Variants in PCCA observed in about 807,000 individuals in gnomAD.
The protein encoded by PCCA is propionyl-CoA carboxylase alpha chain, mitochondrial.
Under a neutral mutation model 101.3 loss-of-function variants are expected in PCCA, and 74 were observed. That is an observed-to-expected ratio of 0.73 (90% CI 0.61 to 0.89). PCCA has a LOEUF of 0.89. Among genes scored for constraint, PCCA ranks in the 40% least tolerant of loss-of-function variants. The pLI is 0.00. For synonymous variants in PCCA, 294 were observed against 313.6 expected, an observed-to-expected ratio of 0.94 and a Z score of 0.66; for missense variants, 891 against 907.0, an observed-to-expected ratio of 0.98 and a Z score of 0.23.
At chr13:100,456,227 T>C (rs755590884) in intron 21 of PCCA, among the ~76,000 whole-genome samples, 3 of 152,208 alleles carry the variant, frequency 2.0e-5, no homozygotes, top group Non-Finnish European at 4.4e-5. Context: ...AAGTACCTCT[T>C]ATAGCTTTTT....
chr13:100,150,869 G>A, intron 4 of PCCA: 5 of 1,569,828 alleles, frequency 3.2e-6, no homozygotes, highest in Non-Finnish European at 4.4e-6. Flanking sequence ...TGCACCCTTA[G>A]GAACTGGGCG....
intron 20 of PCCA, among the ~76,000 whole-genome samples, chr13:100,434,012 G>A (rs1276284435): frequency 1.3e-5 from 2 of 152,220 alleles, no homozygotes; most frequent in African/African-American, 2.4e-5. Flanking sequence ...GTAAGTGAAT[G>A]CTAGTAGGCT....
intron 16 of PCCA, among the ~76,000 whole-genome samples, chr13:100,328,371 T>TATA (rs58866207): frequency 0.2 from 28,915 of 141,502 alleles, 3,342 homozygotes; most frequent in East Asian, 0.47. Flanking sequence ...TCAAAAAATA[T>TATA]ATAATAATAA....
chr13:100,247,107 C>T lies in PCCA; in HGVS notation c.638-10488C>T, dbSNP rs180916058. On this transcript the variant is annotated intron_variant, in intron 8 of 23. Transcript: ENST00000376285. ...TAGTTTAGTAGAGATGGGGTTTCAC[C>T]ATGTTGGCCAGGCTGGTCTCGAACT... Among the ~76,000 whole-genome samples, 417 of 151,946 alleles carry T rather than the reference C, an allele frequency of 2.7e-3. 5 individuals are homozygous for T. The highest frequency in any genetic ancestry group is 2.4e-3 in the Non-Finnish European group (166 of 67,968).
intron 7 of PCCA, among the ~76,000 whole-genome samples, chr13:100,210,970 C>T (rs1185811695): frequency 6.6e-6 from 1 of 152,170 alleles, no homozygotes; most frequent in Admixed American, 6.5e-5. Flanking sequence ...AAGCCAGTTC[C>T]TCCTCCTACG....
intron 20 of PCCA, among the ~76,000 whole-genome samples, chr13:100,428,327 C>G (rs1293866161): frequency 7.2e-6 from 1 of 138,266 alleles, no homozygotes; most frequent in Non-Finnish European, 1.6e-5. Context: ...CTCCCCGACC[C>G]CCCCTACCCC....
At chr13:100,414,496 G>C (rs1332753443) in intron 19 of PCCA, among the ~76,000 whole-genome samples, 1 of 152,174 alleles carries the variant, frequency 6.6e-6, no homozygotes, top group East Asian at 1.9e-4. Context: ...TATTATAAGA[G>C]CATTAAATTG....
chr13:100,497,002 T>C (rs542937895), intron 21 of PCCA, among the ~76,000 whole-genome samples: 2 of 152,300 alleles, frequency 1.3e-5, no homozygotes, highest in African/African-American at 4.8e-5. Context: ...GCAGTACAAG[T>C]GCACTTGTTC....
chr13:100,452,630 C>T (rs942817212), intron 21 of PCCA, among the ~76,000 whole-genome samples: 6 of 148,694 alleles, frequency 4.0e-5, no homozygotes, highest in Admixed American at 6.6e-5. Context: ...CATCTTATTC[C>T]CCCTCGCCCA....
chr13:100,382,042 T>C (rs2076258057), intron 19 of PCCA, among the ~76,000 whole-genome samples: 1 of 152,236 alleles, frequency 6.6e-6, no homozygotes, highest in South Asian at 2.1e-4. Context: ...ACAGCTCAGT[T>C]GGCCTGCTGC....
intron 21 of PCCA, among the ~76,000 whole-genome samples, chr13:100,499,942 T>G (rs1428124665): frequency 6.6e-6 from 1 of 152,230 alleles, no homozygotes; most frequent in African/African-American, 2.4e-5. Flanking sequence ...AAATCATGCT[T>G]CTGTCGTTTG....
chr13:100,375,528 C>T (rs998340266), intron 19 of PCCA, among the ~76,000 whole-genome samples: 4 of 152,106 alleles, frequency 2.6e-5, no homozygotes, highest in Non-Finnish European at 5.9e-5. Context: ...TAAGAACTTG[C>T]TTTATGAATC....
At chr13:100,234,832 G>A (rs1489295633) in intron 7 of PCCA, among the ~76,000 whole-genome samples, 1 of 151,664 alleles carries the variant, frequency 6.6e-6, no homozygotes, top group African/African-American at 2.4e-5. Flanking sequence ...TACCAGCTGT[G>A]GTTTCAAAAC....
At chr13:100,340,324 G>A (rs568485865) in intron 18 of PCCA, 65 bp downstream of exon 18, 4 of 855,162 alleles carry the variant, frequency 4.7e-6, no homozygotes, top group East Asian at 4.9e-5. Context: ...GTCTACATAG[G>A]AAATACTAAT....
chr13:100,403,283 C>T (rs1380312984), intron 19 of PCCA, among the ~76,000 whole-genome samples: 1 of 152,032 alleles, frequency 6.6e-6, no homozygotes, highest in East Asian at 1.9e-4. Flanking sequence ...TTGGGAAGGG[C>T]CAAACAAACA....
chr13:100,362,465 T>C (rs2074726207), intron 18 of PCCA, among the ~76,000 whole-genome samples: 1 of 152,168 alleles, frequency 6.6e-6, no homozygotes, highest in Admixed American at 6.5e-5. Flanking sequence ...CTTATTATCT[T>C]TGTCTTGCTG....
At chr13:100,312,092 C>T (rs923299927) in intron 16 of PCCA, among the ~76,000 whole-genome samples, 3 of 152,190 alleles carry the variant, frequency 2.0e-5, no homozygotes, top group African/African-American at 7.2e-5. Context: ...GTGTCTGACA[C>T]ATGCTAGATG....
chr13:100,243,428 C>A (rs2061264279), intron 8 of PCCA, among the ~76,000 whole-genome samples: 1 of 152,028 alleles, frequency 6.6e-6, no homozygotes, highest in South Asian at 2.1e-4. Context: ...CCTTAATCTT[C>A]AATTTTATAA....
intron 6 of PCCA, among the ~76,000 whole-genome samples, chr13:100,166,072 T>C (rs2055009544): frequency 6.6e-6 from 1 of 152,204 alleles, no homozygotes; most frequent in South Asian, 2.1e-4. Flanking sequence ...ATAAAGAATG[T>C]ATCCTTCAAC....
Sources: allele counts gnomAD v4.1 joint callset (sites outside exome capture counted in the v4.1 genomes callset), GRCh38; gene constraint gnomAD v4.1.1; transcripts MANE v1.5; gene names NCBI Gene and HGNC (gene_info 2026-07-23, HGNC 2026-07-21).